Variants in RRBP1 observed in about 807,000 individuals in gnomAD.
The protein encoded by RRBP1 is ribosome binding protein 1.
In RRBP1, 94 loss-of-function variants were observed where a neutral mutation model predicts 165.2. The observed-to-expected ratio is 0.57, with a 90% CI of 0.48 to 0.68. The LOEUF (loss-of-function observed/expected upper bound fraction) is 0.68. Ranked by LOEUF, RRBP1 falls within the 30% of genes least tolerant of loss-of-function variation. RRBP1 has a pLI of 0.00. For missense variants in RRBP1, 1,676 were observed against 1,763.0 expected (o/e 0.95, Z 0.88); for synonymous variants, 680 against 714.5 (o/e 0.95, Z 0.77).
Position 17,629,975 on chromosome 20 carries a change from G to C in RRBP1, c.2611-14C>G, listed in dbSNP as rs2036116733. 1 of 1,590,986 alleles carries C rather than the reference G, an allele frequency of 6.3e-7. No individual in the cohort carries two copies. On this transcript the variant is annotated splice_polypyrimidine_tract_variant and intron_variant, in intron 8 of 24. Transcript: ENST00000377813. ...CCTGTGGGACGCCTGGGGACGGGCAGGGGAGTGGGGCAGTGAAGACGTGGA... is the reference window on the plus strand; with the variant it reads ...CCTGTGGGACGCCTGGGGACGGGCACGGGAGTGGGGCAGTGAAGACGTGGA...
At chr20:17,626,502 C>G (rs1201164866) in intron 11 of RRBP1, among the ~76,000 whole-genome samples, 1 of 152,228 alleles carries the variant, frequency 6.6e-6, no homozygotes, top group Non-Finnish European at 1.5e-5. Context: ...TGCTGAGAGG[C>G]ACACAGGGAG....
intron 2 of RRBP1, among the ~76,000 whole-genome samples, chr20:17,667,759 A>G (rs529279733): frequency 2.6e-5 from 4 of 152,320 alleles, no homozygotes; most frequent in Non-Finnish European, 5.9e-5. Flanking sequence ...CATCACTGCT[A>G]CTTGCATCTC....
At chr20:17,646,276 C>T (rs2036460464) in intron 3 of RRBP1, among the ~76,000 whole-genome samples, 1 of 152,246 alleles carries the variant, frequency 6.6e-6, no homozygotes, top group Non-Finnish European at 1.5e-5. Context: ...ATCTTCTCAT[C>T]TTTACTGCTG....
intron 4 of RRBP1, 54 bp from the exon 5 acceptor site, chr20:17,641,973 C>A: frequency 6.3e-7 from 1 of 1,575,918 alleles, no homozygotes; most frequent in Non-Finnish European, 8.7e-7. Context: ...CTTGGCTCAT[C>A]CCCTGACCCC....
At chr20:17,679,487 G>A (rs1262370656) in intron 2 of RRBP1, among the ~76,000 whole-genome samples, 1 of 152,200 alleles carries the variant, frequency 6.6e-6, no homozygotes, top group Non-Finnish European at 1.5e-5. Context: ...CAACAGAACT[G>A]TTGATCCTCT....
At position 17,627,616 on chromosome 20, in the gene RRBP1, A is replaced by G; in HGVS notation, c.2816T>C (p.Leu939Pro). The G allele has an allele frequency of 3.7e-6, 6 of 1,613,446 alleles. No homozygotes were observed. The highest frequency in any genetic ancestry group is 2.2e-5 in the East Asian group (1 of 44,888). The part of the protein sequence containing the change: ...VRSKCEELSG[L>P]HGQLQEARAE... The stretch of plus-strand genomic sequence containing the variant: ...CCTGGCCTCCTGGAGCTGCCCGTGG[A>G]GGCCACTCAGCTCCTCGCATTTGCT... Residue 939 changes from leucine to proline, a missense_variant, in exon 10 of 25, where the codon CTC becomes CCC. This residue lies in a region of RRBP1 where 1,184 missense variants were observed against 1,167.1 expected (regional missense o/e 1.01). Coordinates refer to ENST00000377813, the MANE Select transcript of RRBP1 (RefSeq NM_001365613.2).
intron 23 of RRBP1, 22 bp downstream of exon 23, chr20:17,615,409 C>A: frequency 6.3e-7 from 1 of 1,589,622 alleles, no homozygotes; most frequent in Non-Finnish European, 8.6e-7. Flanking sequence ...CAGGTGTGAC[C>A]CCCGCCCCAG....
rs1458443499 is a variant in RRBP1, at chr20:17,679,996, T to C, written c.-22+3A>G. The C allele has an allele frequency of 6.6e-6, 1 of 152,210 alleles. No homozygotes were observed. The highest frequency in any genetic ancestry group is 1.5e-5 in the Non-Finnish European group (1 of 68,062). 9.4% of individuals were successfully genotyped at this position (152,210 alleles called of 1,614,324 possible). On this transcript the variant is annotated splice_donor_region_variant and intron_variant, in intron 2 of 24. Coordinates refer to ENST00000377813, the MANE Select transcript of RRBP1 (RefSeq NM_001365613.2). ...CTCCATGTAAAAGGAAAACTTCACCTACTAGGAGGTCTGCCCCGGCCTTTG... is the reference window on the plus strand; with the variant it reads ...CTCCATGTAAAAGGAAAACTTCACCCACTAGGAGGTCTGCCCCGGCCTTTG...
At chr20:17,677,669 G>A (rs1042230357) in intron 2 of RRBP1, among the ~76,000 whole-genome samples, 9 of 152,006 alleles carry the variant, frequency 5.9e-5, no homozygotes, top group Non-Finnish European at 8.8e-5. Context: ...GTGAAACCCC[G>A]TCTCTACTAA....
Position 17,627,384 on chromosome 20 carries a change from T to C in RRBP1, c.2929-2A>G. The C allele has an allele frequency of 1.2e-6, 2 of 1,613,944 alleles. No individual in the cohort carries two copies. Among genetic ancestry groups the C allele is most frequent in the Non-Finnish European group, 1.7e-6 (2 of 1,179,928 alleles). On this transcript the variant is annotated splice_acceptor_variant, in intron 10 of 24. Transcript: ENST00000377813. LOFTEE classifies it high-confidence loss of function. ...CTGGTCAGCCTCCGCCTGGCTGGCCTGGAATGAGAGACAAAAGCTCCTTGG... is the reference window on the plus strand; with the variant it reads ...CTGGTCAGCCTCCGCCTGGCTGGCCCGGAATGAGAGACAAAAGCTCCTTGG...
At chr20:17,652,582 T>G (rs1317629007) in intron 3 of RRBP1, among the ~76,000 whole-genome samples, 3 of 151,900 alleles carry the variant, frequency 2.0e-5, no homozygotes, top group Non-Finnish European at 4.4e-5. Flanking sequence ...CACCCACAGG[T>G]CCCTGTGTTT....
At chr20:17,629,784 C>T in intron 9 of RRBP1, 39 bp downstream of exon 9, 1 of 1,576,426 alleles carries the variant, frequency 6.3e-7, no homozygotes, top group Non-Finnish European at 8.6e-7. Flanking sequence ...GACCCAGCAC[C>T]CTGCACTGAA....
chr20:17,672,668 A>AG (rs1181136849), intron 2 of RRBP1, among the ~76,000 whole-genome samples: 1 of 152,230 alleles, frequency 6.6e-6, no homozygotes, highest in Non-Finnish European at 1.5e-5. Flanking sequence ...TTCTACTCCT[A>AG]GGTATACAGA....
At chr20:17,675,497 G>A (rs541398823) in intron 2 of RRBP1, among the ~76,000 whole-genome samples, 59 of 150,230 alleles carry the variant, frequency 3.9e-4, no homozygotes, top group African/African-American at 1.3e-3. Flanking sequence ...AGTCAAATAC[G>A]GGACATGTCA....
At position 17,651,082 on chromosome 20, in the gene RRBP1, C is replaced by T. The variant is rs1161237202; in HGVS notation, c.1912+7514G>A. Among the ~76,000 whole-genome samples the T allele has an allele frequency of 7.2e-5, 11 of 152,166 alleles. 1 individual carries two copies. Among genetic ancestry groups the T allele is most frequent in the Admixed American group, 5.9e-4 (9 of 15,284 alleles). On this transcript the variant is annotated intron_variant, in intron 3 of 24. Coordinates refer to ENST00000377813, the MANE Select transcript of RRBP1 (RefSeq NM_001365613.2). ...TCCATTCTGGGGAATTTCCACTTCT[C>T]GAGGATCCCATCAATTTCCTCCTCT...
At chr20:17,617,763 G>A (rs141873312) in intron 20 of RRBP1, among the ~76,000 whole-genome samples, 200 of 152,320 alleles carry the variant, frequency 1.3e-3, no homozygotes, top group Non-Finnish European at 2.3e-3. Flanking sequence ...AGCGTGTGCC[G>A]GACTCACTGG....
intron 12 of RRBP1, 58 bp from the exon 13 acceptor site, chr20:17,624,726 G>A (rs2035983677): frequency 7.8e-7 from 1 of 1,276,132 alleles, no homozygotes. Context: ...GGCTGCCTAA[G>A]CTGGTGTCAG....
Position 17,625,507 on chromosome 20 carries a change from C to T in RRBP1, c.3054+5G>A, listed in dbSNP as rs773585847. 2 of 1,613,448 alleles carry T rather than the reference C, an allele frequency of 1.2e-6. No individual in the cohort carries two copies. The highest frequency in any genetic ancestry group is 1.1e-5 in the South Asian group (1 of 91,080). On this transcript the variant is annotated splice_donor_5th_base_variant and intron_variant, in intron 12 of 24. Transcript: ENST00000377813. ...TCCGTCCCCGCCTGTGCCTGCCGCA[C>T]TCACATTGTTCTTCACTTTCTGCTG...
intron 3 of RRBP1, among the ~76,000 whole-genome samples, chr20:17,648,794 A>G (rs3790316): frequency 0.34 from 51,207 of 152,176 alleles, 10,547 homozygotes; most frequent in Middle Eastern, 0.52. Context: ...ACATCACAAT[A>G]TTTTTAAAAG....
Sources: gnomAD v4.1 joint callset for allele counts (sites outside exome capture counted in the v4.1 genomes callset) on GRCh38, gnomAD v4.1.1 for gene constraint, gnomAD v4.1.1 regional missense constraint, MANE v1.5 for transcripts, NCBI Gene and HGNC (gene_info 2026-07-23, HGNC 2026-07-21) for gene names.